PRRC1: variants seen among roughly 807,000 people sequenced by gnomAD.
PRRC1 encodes the protein proline rich coiled-coil 1, also known as protein PRRC1.
In PRRC1, 39 loss-of-function variants were observed where a neutral mutation model predicts 40.7. That is an observed-to-expected ratio of 0.96 (90% CI 0.74 to 1.25). The LOEUF (loss-of-function observed/expected upper bound fraction) is 1.25, where lower values mean the gene tolerates loss of function less well. Among genes scored for constraint, PRRC1 ranks in the 50% most tolerant of loss-of-function variants. The probability of loss-of-function intolerance (pLI) is 0.00; values close to 1 mark genes in which losing one functional copy is unlikely to be tolerated. For synonymous variants in PRRC1, 175 were observed against 193.3 expected (o/e 0.91, Z 0.79); for missense variants, 573 against 548.3 (o/e 1.05, Z -0.45).
At chr5:127,543,303 A>G (rs1339001642) in intron 7 of PRRC1, among the ~76,000 whole-genome samples, 1 of 150,934 alleles carries the variant, frequency 6.6e-6, no homozygotes, top group Non-Finnish European at 1.5e-5. Context: ...GCTGCCCTTA[A>G]CATTTTTTCC....
At position 127,526,600 on chromosome 5, in the gene PRRC1, A is replaced by G; in HGVS notation, c.494-18A>G. 3 of 1,587,838 alleles carry G rather than the reference A, an allele frequency of 1.9e-6. No individual in the cohort carries two copies. Among genetic ancestry groups the G allele is most frequent in the Non-Finnish European group, 1.7e-6 (2 of 1,168,836 alleles). On this transcript the variant is annotated intron_variant, in intron 3 of 8. Coordinates refer to ENST00000296666, the MANE Select transcript of PRRC1 (RefSeq NM_130809.5). ...TATGGAATAAATTATACATATGAAA[A>G]TTTTTGCCATTGATTAGGTCTTTTG...
chr5:127,524,735 G>A lies in PRRC1; in HGVS notation c.308G>A (p.Gly103Asp). ...TCTCCATCAACTGCTGCTGCCTTCG[G>A]TAATCCTCCTGTATCTCACTTCCCA... ...PVSPSTAAAFGNPPVSHFPPS... is the reference protein window; with the variant it reads ...PVSPSTAAAFDNPPVSHFPPS... Residue 103 changes from glycine to aspartate, a missense_variant, in exon 3 of 9, where the codon GGT becomes GAT. By Grantham distance (94) the Gly-to-Asp change is moderately conservative. Coordinates refer to ENST00000296666, the MANE Select transcript of PRRC1 (RefSeq NM_130809.5). 1 of 1,614,020 alleles carries A rather than the reference G, an allele frequency of 6.2e-7. No individual in the cohort carries two copies. Among genetic ancestry groups the A allele is most frequent in the Non-Finnish European group, 8.5e-7 (1 of 1,179,982 alleles).
At chr5:127,537,875 A>G (rs765963389) in intron 6 of PRRC1, among the ~76,000 whole-genome samples, 13 of 152,000 alleles carry the variant, frequency 8.6e-5, no homozygotes, top group African/African-American at 2.4e-4. Context: ...ACTGCTTTCA[A>G]AATCAACAGG....
chr5:127,524,801 C>G lies in PRRC1; in HGVS notation c.374C>G (p.Pro125Arg), dbSNP rs148088843. The G allele has an allele frequency of 1.2e-6, 2 of 1,614,204 alleles. No individual in the cohort carries two copies. Among genetic ancestry groups the G allele is most frequent in the African/African-American group, 2.7e-5 (2 of 75,052 alleles). ...CCAAACACTCTTTTACCTGCACCCC[C>G]TTCGGGTCCTCCTATATCAGGATTT... ...SAPNTLLPAP[P>R]SGPPISGFSV... Residue 125 changes from proline to arginine, a missense_variant, in exon 3 of 9, where the codon CCT (proline) becomes CGT (arginine). Physicochemically the swap from Pro to Arg is moderately radical, Grantham distance 103 (BLOSUM62 -2). Transcript: ENST00000296666.
At chr5:127,538,627 G>A (rs974769108) in intron 6 of PRRC1, among the ~76,000 whole-genome samples, 4 of 151,984 alleles carry the variant, frequency 2.6e-5, no homozygotes, top group East Asian at 1.9e-4. Context: ...TGATATGATT[G>A]CCTACCTGAA....
Position 127,553,585 on chromosome 5 carries a change from A to T in PRRC1, c.*1669A>T. Reference sequence around the variant, plus strand: ...AGTAGTATTTTATCATGGCAATGGCATGATGACAACAACAGTCTTTCATTA... The same window carrying T: ...AGTAGTATTTTATCATGGCAATGGCTTGATGACAACAACAGTCTTTCATTA... On this transcript the variant is annotated 3_prime_UTR_variant, in exon 9 of 9. Coordinates refer to ENST00000296666, the MANE Select transcript of PRRC1 (RefSeq NM_130809.5). The T allele has an allele frequency of 7.7e-7, 1 of 1,306,024 alleles. No homozygotes were observed. Among genetic ancestry groups the T allele is most frequent in the Non-Finnish European group, 9.8e-7 (1 of 1,024,810 alleles). The allele number at this position is 1,306,024 out of a possible 1,614,324, so 80.9% of individuals were successfully genotyped here. A position where few individuals can be genotyped will look rare whatever the true frequency, so the allele number is the denominator to read the frequency against.
chr5:127,530,414 A>C lies in PRRC1; in HGVS notation c.757+18A>C, dbSNP rs1580935180. 2.9e-5 allele frequency: 46 copies of C among 1,577,140 alleles called. No individual in the cohort carries two copies. The South Asian group carries it at 4.3e-4, about 15-fold the overall frequency. The stretch of plus-strand genomic sequence containing the variant: ...CTATATCAGTATGTACATAAGTTAG[A>C]CCGGTATCTGCCATTTTTTTTTTAA... On this transcript the variant is annotated intron_variant, in intron 5 of 8. Coordinates refer to ENST00000296666, the MANE Select transcript of PRRC1 (RefSeq NM_130809.5).
chr5:127,554,007 C>T lies in PRRC1; in HGVS notation c.*2091C>T. 5.9e-6 allele frequency: 7 copies of T among 1,182,598 alleles called. No individual in the cohort carries two copies. Among genetic ancestry groups the T allele is most frequent in the South Asian group, 1.6e-5 (1 of 63,706 alleles). The allele number at this position is 1,182,598 out of a possible 1,614,324, so 73.3% of individuals were successfully genotyped here. On this transcript the variant is annotated 3_prime_UTR_variant, in exon 9 of 9. Coordinates refer to ENST00000296666, the MANE Select transcript of PRRC1 (RefSeq NM_130809.5). ...TTCTTGGCCCAGAGTTTTTGAAAAG[C>T]AGCGGAGCATGACTGACTTCACATG...
At chr5:127,537,992 G>GT (rs1183400341) in intron 6 of PRRC1, among the ~76,000 whole-genome samples, 2 of 151,844 alleles carry the variant, frequency 1.3e-5, no homozygotes, top group Non-Finnish European at 2.9e-5. Flanking sequence ...TCTTTGTTCA[G>GT]TTTTTTATGT....
chr5:127,551,116 C>A (rs1768367985), intron 8 of PRRC1: 3 of 160,122 alleles, frequency 1.9e-5, no homozygotes, highest in Admixed American at 1.8e-4. Flanking sequence ...AACAGAAAAA[C>A]CACATCAGTC....
At position 127,533,681 on chromosome 5, in the gene PRRC1, T is replaced by A. The variant is rs200326646; in HGVS notation, c.816T>A (p.Ala272=). 30 of 1,614,056 alleles carry A rather than the reference T, an allele frequency of 1.9e-5. No individual in the cohort carries two copies. The highest frequency in any genetic ancestry group is 1.7e-5 in the Admixed American group (1 of 60,000). ...CAAATAAAGAAGTAAAAGTTGCTGC[T>A]GTCCGAGATGCCTTCCAGGAGGTCT... ...VTSNKEVKVA[A]VRDAFQEVFG... is the part of the protein sequence containing the mutation. The change falls in exon 6 of 9, where the codon GCT becomes GCA. Residue 272 remains alanine, a synonymous_variant. Transcript: ENST00000296666.
intron 7 of PRRC1, 62 bp downstream of exon 7, chr5:127,539,205 T>A: frequency 1.6e-6 from 2 of 1,249,626 alleles, no homozygotes; most frequent in African/African-American, 1.5e-5. Context: ...TGACACTGAA[T>A]ACTTAGCAAA....
chr5:127,552,030 T>C lies in PRRC1; in HGVS notation c.*114T>C, dbSNP rs977082296. 2.7e-6 allele frequency: 4 copies of C among 1,477,592 alleles called. No individual in the cohort carries two copies. In the African/African-American group the frequency reaches 4.2e-5, roughly 16 times the overall value. 91.5% of individuals were successfully genotyped at this position (1,477,592 alleles called of 1,614,324 possible). A position where few individuals can be genotyped will look rare whatever the true frequency, so the allele number is the denominator to read the frequency against. On this transcript the variant is annotated 3_prime_UTR_variant, in exon 9 of 9. Coordinates refer to ENST00000296666, the MANE Select transcript of PRRC1 (RefSeq NM_130809.5). ...AAATGAATCCAGTAGTTTTTATCAT[T>C]TTCCTGTAGCCTGCAATTTTTCTTT...
At chr5:127,543,600 C>T (rs1402896478) in intron 7 of PRRC1, among the ~76,000 whole-genome samples, 2 of 152,058 alleles carry the variant, frequency 1.3e-5, no homozygotes, top group African/African-American at 4.8e-5. Flanking sequence ...CTAAACTTCC[C>T]TTCTCGCTTC....
intron 7 of PRRC1, among the ~76,000 whole-genome samples, chr5:127,543,787 A>G (rs1253528822): frequency 2.0e-5 from 3 of 151,742 alleles, no homozygotes; most frequent in African/African-American, 7.2e-5. Flanking sequence ...AATTTTTTTC[A>G]AAGTTTTCAA....
intron 1 of PRRC1, among the ~76,000 whole-genome samples, chr5:127,521,262 G>T (rs908751383): frequency 1.3e-5 from 2 of 152,078 alleles, no homozygotes; most frequent in Non-Finnish European, 2.9e-5. Flanking sequence ...GTCACCCTTG[G>T]TCACCTGCTC....
At chr5:127,544,457 T>C (rs895667468) in intron 7 of PRRC1, among the ~76,000 whole-genome samples, 22 of 152,260 alleles carry the variant, frequency 1.4e-4, no homozygotes, top group African/African-American at 5.3e-4. Context: ...GCTTTGTTTT[T>C]GTTTGTCTGT....
chr5:127,535,742 A>T (rs1252619734), intron 6 of PRRC1, among the ~76,000 whole-genome samples: 1 of 152,152 alleles, frequency 6.6e-6, no homozygotes, highest in Non-Finnish European at 1.5e-5. Flanking sequence ...ACCTGCATTC[A>T]TTTGATGTGT....
Position 127,524,584 on chromosome 5 carries a change from C to G in PRRC1, c.157C>G (p.Pro53Ala), listed in dbSNP as rs1245726937. 8 of 1,614,098 alleles carry G rather than the reference C, an allele frequency of 5.0e-6. No individual in the cohort carries two copies. Among genetic ancestry groups the G allele is most frequent in the Non-Finnish European group, 6.8e-6 (8 of 1,179,976 alleles). ...PNVSSMESFP[P>A]LAYSTPQPPL... ...TGTATCCTCCATGGAGTCCTTCCCA[C>G]CACTCGCATACTCTACTCCTCAGCC... The change falls in exon 3 of 9, where the codon CCA (proline) becomes GCA (alanine). Residue 53 changes from proline (P) to alanine (A), a missense_variant. Coordinates refer to ENST00000296666, the MANE Select transcript of PRRC1 (RefSeq NM_130809.5).
Sources: gnomAD v4.1 joint callset for allele counts (sites outside exome capture counted in the v4.1 genomes callset) on GRCh38, gnomAD v4.1.1 for gene constraint, MANE v1.5 for transcripts, NCBI Gene and HGNC (gene_info 2026-07-23, HGNC 2026-07-21) for gene names.